Variants in GHR observed in about 807,000 individuals in gnomAD.
GHR encodes the protein growth hormone receptor.
A neutral mutation model predicts 67.1 loss-of-function variants in GHR; 35 were observed. That is an observed-to-expected ratio of 0.52 (90% CI 0.40 to 0.69). The LOEUF is 0.69. GHR is among the 30% of genes least tolerant of loss of function. The probability of loss-of-function intolerance (pLI) is 0.00; values close to 1 mark genes in which losing one functional copy is unlikely to be tolerated. For missense variants in GHR, 792 were observed against 764.6 expected (o/e 1.04, Z -0.42); for synonymous variants, 272 against 269.1 (o/e 1.01, Z -0.10).
In GHR at chr5:42,555,851, A is replaced by G. The variant is rs528791218; in HGVS notation, c.-11-10013A>G. Among the ~76,000 whole-genome samples, 14 of 152,328 alleles carry G rather than the reference A, an allele frequency of 9.2e-5. No individual in the cohort carries two copies. In the East Asian group the frequency reaches 2.1e-3, roughly 23 times the overall value. The stretch of plus-strand genomic sequence containing the variant: ...AACGTCGGGACATGAATAGCCGTCA[A>G]TGAAAGGCAGCTATTATTACACTGC... On this transcript the variant is annotated intron_variant, in intron 1 of 9. Transcript: ENST00000230882.
intron 3 of GHR, among the ~76,000 whole-genome samples, chr5:42,672,209 C>G (rs1271094232): frequency 2.6e-5 from 4 of 152,104 alleles, no homozygotes; most frequent in Non-Finnish European, 4.4e-5. Context: ...AACTACCTCT[C>G]TTTACTGACT....
chr5:42,532,348 T>TGATAGATAGATAGATAGATA lies in GHR; in HGVS notation c.-11-33508_-11-33489dup, dbSNP rs35216564. ...TAGATTTGGAGGTCTTTGATATAGA[T>TGATAGATAGATAGATAGATA]GATAGATAGATAGATAGATAGATAG... On this transcript the variant is annotated intron_variant, in intron 1 of 9. Transcript: ENST00000230882. Among the ~76,000 whole-genome samples, 459 of 151,326 alleles carry TGATAGATAGATAGATAGATA rather than the reference T, an allele frequency of 3.0e-3. 2 individuals carry two copies. Among genetic ancestry groups the TGATAGATAGATAGATAGATA allele is most frequent in the African/African-American group, 0.011 (440 of 41,106 alleles).
At chr5:42,465,989 A>C in intron 1 of GHR, 1 of 631,264 alleles carries the variant, frequency 1.6e-6, no homozygotes, top group African/African-American at 1.8e-5. Context: ...TCTTCTTCCA[A>C]CTTGTCTTAT....
At chr5:42,596,581 G>C (rs555526370) in intron 2 of GHR, among the ~76,000 whole-genome samples, 2 of 152,238 alleles carry the variant, frequency 1.3e-5, no homozygotes, top group Non-Finnish European at 2.9e-5. Context: ...TCCTCCTCTG[G>C]TGTGATTAGG....
At chr5:42,482,586 C>T (rs372170278) in intron 1 of GHR, among the ~76,000 whole-genome samples, 10 of 152,292 alleles carry the variant, frequency 6.6e-5, no homozygotes, top group East Asian at 1.9e-4. Context: ...CAATGGTGGG[C>T]GCCCCTCCCC....
intron 1 of GHR, among the ~76,000 whole-genome samples, chr5:42,535,673 G>GT (rs1395877623): frequency 6.6e-6 from 1 of 152,006 alleles, no homozygotes; most frequent in South Asian, 2.1e-4. Context: ...TTTTAGAATT[G>GT]TTTTTTCTAA....
At chr5:42,594,766 A>G (rs2112608099) in intron 2 of GHR, among the ~76,000 whole-genome samples, 1 of 152,170 alleles carries the variant, frequency 6.6e-6, no homozygotes, top group South Asian at 2.1e-4. Flanking sequence ...GACTCCAAAG[A>G]GCTTTTGTTT....
At chr5:42,428,870 A>C (rs1020410571) in intron 1 of GHR, among the ~76,000 whole-genome samples, 9 of 152,198 alleles carry the variant, frequency 5.9e-5, no homozygotes, top group Non-Finnish European at 1.0e-4. Flanking sequence ...AAACTTTCCC[A>C]CATCTTCCTG....
intron 1 of GHR, among the ~76,000 whole-genome samples, chr5:42,524,419 A>T (rs1354262904): frequency 6.6e-6 from 1 of 152,202 alleles, no homozygotes; most frequent in African/African-American, 2.4e-5. Context: ...ATTTAGGGTA[A>T]CTGGCAGAAG....
chr5:42,509,914 G>A (rs1454364796), intron 1 of GHR, among the ~76,000 whole-genome samples: 1 of 152,106 alleles, frequency 6.6e-6, no homozygotes, highest in African/African-American at 2.4e-5. Flanking sequence ...TTGCTCTTGT[G>A]GCTTTAAACA....
intron 1 of GHR, among the ~76,000 whole-genome samples, chr5:42,492,732 T>C (rs1746166707): frequency 1.3e-5 from 2 of 152,208 alleles, no homozygotes; most frequent in Admixed American, 6.5e-5. Flanking sequence ...AATATCACTT[T>C]AGGGAGCACA....
At chr5:42,638,828 G>C (rs1754328381) in intron 3 of GHR, among the ~76,000 whole-genome samples, 1 of 151,690 alleles carries the variant, frequency 6.6e-6, no homozygotes, top group South Asian at 2.1e-4. Flanking sequence ...CTGTTACAGG[G>C]AGCATATTTT....
At chr5:42,655,042 A>G (rs1435273665) in intron 3 of GHR, among the ~76,000 whole-genome samples, 1 of 151,966 alleles carries the variant, frequency 6.6e-6, no homozygotes, top group African/African-American at 2.4e-5. Flanking sequence ...CCCCAAGTCA[A>G]CCTCTCATTT....
intron 6 of GHR, among the ~76,000 whole-genome samples, chr5:42,707,754 T>C (rs1579652179): frequency 6.6e-6 from 1 of 152,034 alleles, no homozygotes; most frequent in East Asian, 1.9e-4. Context: ...TTAAGTTTCT[T>C]GCATAAAAAA....
At chr5:42,683,669 T>A in intron 3 of GHR, among the ~76,000 whole-genome samples, 1 of 151,208 alleles carries the variant, frequency 6.6e-6, no homozygotes, top group African/African-American at 2.4e-5. Flanking sequence ...AGAAGGAGGG[T>A]GCAGGGTAAA....
At chr5:42,449,744 C>T (rs1561309798) in intron 1 of GHR, among the ~76,000 whole-genome samples, 1 of 151,996 alleles carries the variant, frequency 6.6e-6, no homozygotes, top group Non-Finnish European at 1.5e-5. Flanking sequence ...TCAACTTTTC[C>T]CTATTCAGTA....
chr5:42,505,357 C>A (rs1241172079), intron 1 of GHR, among the ~76,000 whole-genome samples: 1 of 149,026 alleles, frequency 6.7e-6, no homozygotes, highest in Non-Finnish European at 1.5e-5. Context: ...TTTTTTTTTG[C>A]TTTTACAAGT....
intron 1 of GHR, among the ~76,000 whole-genome samples, chr5:42,453,174 T>A (rs937769348): frequency 3.2e-4 from 48 of 152,298 alleles, no homozygotes; most frequent in African/African-American, 1.1e-3. Flanking sequence ...AGTTACAGAA[T>A]CTTCCTGCAC....
rs373665724 is a variant in GHR at position 42,704,892 on chromosome 5, T to G, written c.618+4890T>G. 3.4e-4 allele frequency among the ~76,000 whole-genome samples: 52 copies of G among 152,186 alleles called. 1 individual carries two copies. The East Asian group carries it at 5.4e-3, about 16-fold the overall frequency. ...TTCATTTCTGATTTTGTTTTTAATT[T>G]GGGCTTTCTCTTTTTTTATTATTTA... On this transcript the variant is annotated intron_variant, in intron 6 of 9. Transcript: ENST00000230882.
Sources: allele counts gnomAD v4.1 joint callset (sites outside exome capture counted in the v4.1 genomes callset), GRCh38; gene constraint gnomAD v4.1.1; transcripts MANE v1.5; gene names NCBI Gene and HGNC (gene_info 2026-07-23, HGNC 2026-07-21).